Variants in RYR2 observed in about 807,000 individuals in gnomAD.
RYR2 encodes ryanodine receptor 2, also known as cardiac muscle ryanodine receptor-calcium release channel.
A neutral mutation model predicts 601.1 loss-of-function variants in RYR2; 227 were observed. The observed-to-expected ratio is 0.38, with a 90% CI of 0.34 to 0.42. RYR2 has a LOEUF of 0.42. RYR2 is among the 10% of genes least tolerant of loss of function. RYR2 has a pLI of 1.00. For missense variants in RYR2, 4,646 were observed against 6,156.5 expected, an observed-to-expected ratio of 0.75 and a Z score of 8.21; for synonymous variants, 2,223 against 2,175.1, an observed-to-expected ratio of 1.02 and a Z score of -0.61.
In RYR2 at chr1:237,633,782, T is replaced by G. The variant is rs1967579; in HGVS notation, c.6688+72T>G. 0.36 allele frequency: 509,460 copies of G among 1,422,236 alleles called. 93,129 individuals are homozygous for G. The highest frequency in any genetic ancestry group is 0.55 in the African/African-American group (37,974 of 69,280). 88.1% of individuals were successfully genotyped at this position (1,422,236 alleles called of 1,614,324 possible). On this transcript the variant is annotated intron_variant, in intron 43 of 104. Transcript: ENST00000366574. ...TATTACATTTAAAAAGCAAACGTTTTGTTAAAAAATGTGCAATGGACCTGA... is the reference window on the plus strand; with the variant it reads ...TATTACATTTAAAAAGCAAACGTTTGGTTAAAAAATGTGCAATGGACCTGA...
At chr1:237,189,912 A>T (rs906215076) in intron 1 of RYR2, among the ~76,000 whole-genome samples, 2 of 149,066 alleles carry the variant, frequency 1.3e-5, no homozygotes, top group Non-Finnish European at 3.0e-5. Flanking sequence ...TCACTTTGTC[A>T]CCCAGGCTGG....
At chr1:237,293,409 G>A (rs1692442709) in intron 2 of RYR2, among the ~76,000 whole-genome samples, 1 of 152,158 alleles carries the variant, frequency 6.6e-6, no homozygotes, top group Non-Finnish European at 1.5e-5. Flanking sequence ...GTTTTGCCAT[G>A]TTGGCCAGGC....
chr1:237,585,055 T>C (rs971014151), intron 29 of RYR2, among the ~76,000 whole-genome samples: 1 of 152,088 alleles, frequency 6.6e-6, no homozygotes, highest in Non-Finnish European at 1.5e-5. Context: ...TAAGTAAACT[T>C]TTATTGGAAC....
intron 29 of RYR2, among the ~76,000 whole-genome samples, chr1:237,589,184 T>C (rs970830488): frequency 6.6e-6 from 1 of 152,186 alleles, no homozygotes; most frequent in African/African-American, 2.4e-5. Flanking sequence ...TAAACATGTA[T>C]TTTTCCCCCA....
intron 34 of RYR2, among the ~76,000 whole-genome samples, chr1:237,597,631 A>G (rs12239847): frequency 0.057 from 8,607 of 152,108 alleles, 342 homozygotes; most frequent in East Asian, 0.13. Flanking sequence ...ATGGTCTATT[A>G]TAACTACAAT....
chr1:237,684,124 T>G (rs558466013), intron 62 of RYR2, among the ~76,000 whole-genome samples: 2 of 151,544 alleles, frequency 1.3e-5, no homozygotes, highest in South Asian at 4.2e-4. Context: ...TTAGTAGAGA[T>G]AGGGTTTCAC....
chr1:237,797,992 A>G (rs2149403782), intron 96 of RYR2, 45 bp from the exon 97 acceptor site: 1 of 1,535,880 alleles, frequency 6.5e-7, no homozygotes, highest in Non-Finnish European at 8.9e-7. Context: ...AGATGATGTT[A>G]CTTAATGGTT....
At chr1:237,516,038 G>A (rs372858032) in intron 24 of RYR2, among the ~76,000 whole-genome samples, 4 of 133,988 alleles carry the variant, frequency 3.0e-5, no homozygotes, top group South Asian at 2.4e-4. Flanking sequence ...TCCTTTTTCT[G>A]TCTCTTCCTC....
intron 1 of RYR2, among the ~76,000 whole-genome samples, chr1:237,148,504 A>G (rs1383293595): frequency 2.6e-5 from 3 of 113,762 alleles, no homozygotes; most frequent in Non-Finnish European, 5.6e-5. Flanking sequence ...CATGTATCCC[A>G]GAACTTCAAG....
chr1:237,788,784 T>G (rs964551249), intron 92 of RYR2, among the ~76,000 whole-genome samples: 4 of 152,132 alleles, frequency 2.6e-5, no homozygotes, highest in African/African-American at 9.7e-5. Context: ...AAAGCACACA[T>G]TCATATTTGG....
intron 1 of RYR2, among the ~76,000 whole-genome samples, chr1:237,214,853 A>G (rs1224033923): frequency 3.9e-5 from 6 of 152,198 alleles, no homozygotes. Context: ...TGCAAAATTG[A>G]TGTGAGAAAT....
At chr1:237,601,333 A>G (rs1676477301) in intron 34 of RYR2, among the ~76,000 whole-genome samples, 1 of 152,220 alleles carries the variant, frequency 6.6e-6, no homozygotes, top group African/African-American at 2.4e-5. Context: ...AGCCAGACAT[A>G]GAAAGAAAAA....
intron 3 of RYR2, among the ~76,000 whole-genome samples, chr1:237,340,134 A>C (rs1697633979): frequency 6.6e-6 from 1 of 152,186 alleles, no homozygotes. Context: ...AAATGTTTAT[A>C]TTTGGGACCC....
chr1:237,238,464 C>T (rs1558477792), intron 1 of RYR2, among the ~76,000 whole-genome samples: 1 of 152,224 alleles, frequency 6.6e-6, no homozygotes, highest in East Asian at 1.9e-4. Flanking sequence ...ACCTTGAACA[C>T]ATGTTCTCAG....
At chr1:237,216,517 C>T (rs918052266) in intron 1 of RYR2, among the ~76,000 whole-genome samples, 2 of 151,926 alleles carry the variant, frequency 1.3e-5, no homozygotes, top group African/African-American at 4.8e-5. Flanking sequence ...GCAGGCGGAG[C>T]ACCTGATGTC....
chr1:237,602,930 A>G (rs977475139), intron 35 of RYR2, among the ~76,000 whole-genome samples: 2 of 152,232 alleles, frequency 1.3e-5, no homozygotes, highest in Non-Finnish European at 2.9e-5. Context: ...TACTGTCTAC[A>G]TGGAAGACAG....
At chr1:237,119,004 G>A (rs571266320) in intron 1 of RYR2, among the ~76,000 whole-genome samples, 29 of 152,164 alleles carry the variant, frequency 1.9e-4, no homozygotes, top group African/African-American at 6.7e-4. Flanking sequence ...TCTAATGTGG[G>A]GGGTATGGGC....
In RYR2 at chr1:237,617,405, C is replaced by T. The variant is rs189299988; in HGVS notation, c.5835C>T (p.Asn1945=). The T allele has an allele frequency of 4.4e-5, 71 of 1,613,950 alleles. No individual in the cohort carries two copies. The highest frequency in any genetic ancestry group is 2.5e-4 in the South Asian group (23 of 91,080). The change falls in exon 38 of 105, where the codon AAC becomes AAT. Residue 1945 remains asparagine (N), a synonymous_variant. Coordinates refer to ENST00000366574, the MANE Select transcript of RYR2 (RefSeq NM_001035.3). The part of the protein sequence containing the change: ...KLQDNQRFRY[N]EVMQALNMSA... ...AAGACAATCAACGTTTCCGATACAACGAAGTCATGCAAGCCTTAAACATGT... is the reference window on the plus strand; with the variant it reads ...AAGACAATCAACGTTTCCGATACAATGAAGTCATGCAAGCCTTAAACATGT...
At chr1:237,643,024 G>A (rs548863583) in intron 47 of RYR2, among the ~76,000 whole-genome samples, 5 of 152,232 alleles carry the variant, frequency 3.3e-5, no homozygotes, top group South Asian at 2.1e-4. Flanking sequence ...TCATAAACAC[G>A]TCAGATTCTC....
Sources: allele counts gnomAD v4.1 joint callset (sites outside exome capture counted in the v4.1 genomes callset), GRCh38; gene constraint gnomAD v4.1.1; transcripts MANE v1.5; gene names NCBI Gene and HGNC (gene_info 2026-07-23, HGNC 2026-07-21).